The following ARID1B variants were observed in gnomAD, a reference collection of about 807,000 sequenced individuals.
ARID1B encodes AT-rich interaction domain 1B.
In ARID1B, 30 loss-of-function variants were observed where a neutral mutation model predicts 212.3. That is an observed-to-expected ratio of 0.14 (90% CI 0.11 to 0.19). The LOEUF is 0.19. Ranked by LOEUF, ARID1B falls within the 10% of genes least tolerant of loss-of-function variation. The pLI, the probability that ARID1B is intolerant of heterozygous loss-of-function variation, is 1.00. For synonymous variants in ARID1B, 1,402 were observed against 1,301.7 expected (o/e 1.08, Z -1.66); for missense variants, 2,891 against 3,204.0 (o/e 0.90, Z 2.36).
intron 2 of ARID1B, among the ~76,000 whole-genome samples, chr6:156,900,060 A>G (rs534737507): frequency 6.6e-6 from 1 of 152,360 alleles, no homozygotes; most frequent in African/African-American, 2.4e-5. Context: ...GGGACATAAC[A>G]TTCATTATGA....
chr6:157,062,404 C>A (rs1783399342), intron 4 of ARID1B, among the ~76,000 whole-genome samples: 1 of 151,898 alleles, frequency 6.6e-6, no homozygotes, highest in Non-Finnish European at 1.5e-5. Context: ...CACTGCATTG[C>A]CCAGGCTGGT....
chr6:157,191,353 G>T (rs1393942335), intron 15 of ARID1B, among the ~76,000 whole-genome samples: 1 of 152,112 alleles, frequency 6.6e-6, no homozygotes, highest in East Asian at 1.9e-4. Context: ...CAATGCAGAG[G>T]ATTGGAAAAG....
At chr6:157,019,594 C>G (rs1198649284) in intron 4 of ARID1B, among the ~76,000 whole-genome samples, 1 of 152,182 alleles carries the variant, frequency 6.6e-6, no homozygotes, top group Non-Finnish European at 1.5e-5. Context: ...AGCCTGGTGG[C>G]TTTTGCTTTC....
At chr6:157,150,283 C>G (rs936861492) in intron 8 of ARID1B, 4 of 152,128 alleles carry the variant, frequency 2.6e-5, no homozygotes, top group Non-Finnish European at 5.9e-5. Flanking sequence ...CAAAGCTACG[C>G]GTGCCCCCTC....
At chr6:156,797,889 C>T (rs1780504216) in intron 1 of ARID1B, among the ~76,000 whole-genome samples, 1 of 152,110 alleles carries the variant, frequency 6.6e-6, no homozygotes, top group South Asian at 2.1e-4. Context: ...GAAGAGGAGC[C>T]ACCCAGAGAG....
chr6:156,878,459 G>A (rs1786760453), intron 2 of ARID1B, among the ~76,000 whole-genome samples: 1 of 152,188 alleles, frequency 6.6e-6, no homozygotes, highest in Non-Finnish European at 1.5e-5. Flanking sequence ...CCTGGTGGCA[G>A]ACACATGTGC....
intron 2 of ARID1B, among the ~76,000 whole-genome samples, chr6:156,881,023 A>G (rs1231771672): frequency 6.6e-6 from 1 of 152,196 alleles, no homozygotes; most frequent in Admixed American, 6.5e-5. Context: ...TTAGCTTGAT[A>G]GTAGAGGTTA....
At chr6:156,829,871 A>G (rs1452990016) in intron 2 of ARID1B, 1 of 152,664 alleles carries the variant, frequency 6.6e-6, no homozygotes, top group Non-Finnish European at 1.5e-5. Context: ...TTAGTCTCCC[A>G]AAGTTATTTT....
chr6:157,039,694 C>T (rs187799932), intron 4 of ARID1B, among the ~76,000 whole-genome samples: 1,446 of 58,114 alleles, frequency 0.025, 65 homozygotes, highest in African/African-American at 0.077. Flanking sequence ...TCCTTCCTTC[C>T]TTCTTTCTTT....
chr6:156,820,222 G>A (rs578226869), intron 1 of ARID1B, among the ~76,000 whole-genome samples: 25 of 152,258 alleles, frequency 1.6e-4, no homozygotes, highest in Admixed American at 2.0e-4. Context: ...TGTGCAAAGT[G>A]AAGCTTTGTC....
chr6:157,100,088 C>T (rs536698366), intron 5 of ARID1B, among the ~76,000 whole-genome samples: 1 of 152,338 alleles, frequency 6.6e-6, no homozygotes, highest in African/African-American at 2.4e-5. Context: ...AGGGGCTTAA[C>T]TCCTTCAAGG....
intron 2 of ARID1B, among the ~76,000 whole-genome samples, chr6:156,886,268 C>G (rs1278439965): frequency 1.2e-4 from 19 of 152,232 alleles, no homozygotes; most frequent in Admixed American, 1.2e-3. Context: ...TCTCAGCTCA[C>G]TGCAACCTCC....
At chr6:157,158,290 C>T (rs1355463338) in intron 8 of ARID1B, among the ~76,000 whole-genome samples, 1 of 152,188 alleles carries the variant, frequency 6.6e-6, no homozygotes, top group African/African-American at 2.4e-5. Flanking sequence ...TGGCCCAGGC[C>T]ACCGTTAACT....
At chr6:156,947,429 T>C (rs551263794) in intron 4 of ARID1B, among the ~76,000 whole-genome samples, 1,532 of 152,272 alleles carry the variant, frequency 0.01, 9 homozygotes, top group Middle Eastern at 0.02. Context: ...CTTTACTTGT[T>C]TTTTTCTTTT....
rs974625215 is a variant in ARID1B at position 157,203,245 on chromosome 6, C to A, written c.5264-621C>A. Among the ~76,000 whole-genome samples the A allele has an allele frequency of 6.6e-6, 1 of 152,074 alleles. No individual in the cohort carries two copies. Among genetic ancestry groups the A allele is most frequent in the Non-Finnish European group, 1.5e-5 (1 of 68,012 alleles). ...CCTTCAGTAGCAGGAATAGGGAAAA[C>A]AACAAATTACTTCCCATTCTGTGGC... On this transcript the variant is annotated intron_variant, in intron 18 of 19. Transcript: ENST00000636930. The surrounding 1 kb of genome is among the most constrained non-coding windows in gnomAD (Gnocchi z 4.4).
intron 4 of ARID1B, among the ~76,000 whole-genome samples, chr6:157,004,087 T>G (rs1177917645): frequency 6.6e-6 from 1 of 152,126 alleles, no homozygotes; most frequent in East Asian, 1.9e-4. Context: ...ATTTTTTTTG[T>G]AGAGATGAGG....
At chr6:157,173,955 A>T in intron 9 of ARID1B, 53 bp from the exon 10 acceptor site, 1 of 1,486,782 alleles carries the variant, frequency 6.7e-7, no homozygotes, top group East Asian at 2.3e-5. Context: ...GCAGGAGTAC[A>T]GTCTGACGAA....
intron 4 of ARID1B, chr6:156,976,350 T>G (rs1777248542): frequency 6.1e-6 from 1 of 165,046 alleles, no homozygotes; most frequent in Non-Finnish European, 1.3e-5. Context: ...TAGGTGCTTT[T>G]TAAGCTGTGC....
chr6:157,125,092 C>A (rs1326728377), intron 6 of ARID1B, among the ~76,000 whole-genome samples: 1 of 152,102 alleles, frequency 6.6e-6, no homozygotes, highest in Non-Finnish European at 1.5e-5. Flanking sequence ...CAGGGTAGGG[C>A]GGCAGACTCG....
Sources: gnomAD v4.1 joint callset for allele counts (sites outside exome capture counted in the v4.1 genomes callset) on GRCh38, gnomAD v4.1.1 for gene constraint, Gnocchi (gnomAD v3.1) non-coding constraint, MANE v1.5 for transcripts, NCBI Gene and HGNC (gene_info 2026-07-23, HGNC 2026-07-21) for gene names.